Variants in NDST4 observed in about 807,000 individuals in gnomAD.
NDST4 encodes N-deacetylase and N-sulfotransferase 4, also known as N-heparan sulfate sulfotransferase 4.
Under a neutral mutation model 100.8 loss-of-function variants are expected in NDST4, and 63 were observed. That is an observed-to-expected ratio of 0.62 (90% CI 0.51 to 0.77). The LOEUF (loss-of-function observed/expected upper bound fraction) is 0.77. Ranked by LOEUF, NDST4 falls within the 30% of genes least tolerant of loss-of-function variation. The pLI, the probability that NDST4 is intolerant of heterozygous loss-of-function variation, is 0.00. For missense variants in NDST4, 943 were observed against 1,018.4 expected (o/e 0.93, Z 1.01); for synonymous variants, 377 against 361.8 (o/e 1.04, Z -0.48).
At chr4:114,929,686 A>G (rs1424214568) in intron 6 of NDST4, among the ~76,000 whole-genome samples, 1 of 152,238 alleles carries the variant, frequency 6.6e-6, no homozygotes, top group African/African-American at 2.4e-5. Context: ...AAGACTTACT[A>G]TAGTTTGATT....
chr4:114,962,280 C>G (rs1453987892), intron 4 of NDST4, among the ~76,000 whole-genome samples: 1 of 151,440 alleles, frequency 6.6e-6, no homozygotes, highest in Non-Finnish European at 1.5e-5. Flanking sequence ...CATTTCTATT[C>G]AACATTGTAC....
At chr4:114,927,469 T>C (rs1006810834) in intron 6 of NDST4, among the ~76,000 whole-genome samples, 5 of 152,084 alleles carry the variant, frequency 3.3e-5, no homozygotes, top group African/African-American at 1.2e-4. Context: ...TATCCTTATA[T>C]AATGGTGAGA....
intron 2 of NDST4, among the ~76,000 whole-genome samples, chr4:115,023,130 G>A (rs776357384): frequency 6.6e-6 from 1 of 152,048 alleles, no homozygotes; most frequent in African/African-American, 2.4e-5. Flanking sequence ...CTACAAAATG[G>A]GTGCAGTGTA....
At chr4:114,901,363 C>T (rs1724834450) in intron 6 of NDST4, among the ~76,000 whole-genome samples, 1 of 152,016 alleles carries the variant, frequency 6.6e-6, no homozygotes, top group Admixed American at 6.6e-5. Context: ...AAATTAATCA[C>T]TATTTTATTA....
chr4:115,038,793 T>A (rs1388121595), intron 2 of NDST4, among the ~76,000 whole-genome samples: 2 of 152,040 alleles, frequency 1.3e-5, no homozygotes, highest in African/African-American at 4.8e-5. Context: ...TTGGGCAACA[T>A]AGTAAAACCC....
chr4:115,028,583 A>G (rs897221357), intron 2 of NDST4, among the ~76,000 whole-genome samples: 1 of 151,778 alleles, frequency 6.6e-6, no homozygotes, highest in South Asian at 2.1e-4. Flanking sequence ...AAAAAAATGT[A>G]TATTAATCAA....
chr4:115,029,443 G>C (rs967208031), intron 2 of NDST4, among the ~76,000 whole-genome samples: 3 of 152,066 alleles, frequency 2.0e-5, no homozygotes. Context: ...GACTAAGTAA[G>C]TCTAGATTGG....
intron 2 of NDST4, among the ~76,000 whole-genome samples, chr4:114,998,974 T>A (rs1206429827): frequency 6.6e-6 from 1 of 152,058 alleles, no homozygotes; most frequent in African/African-American, 2.4e-5. Flanking sequence ...TTATCTCATA[T>A]CATAATCACA....
At chr4:115,086,762 G>A (rs907644964) in intron 1 of NDST4, among the ~76,000 whole-genome samples, 6 of 151,916 alleles carry the variant, frequency 3.9e-5, no homozygotes, top group African/African-American at 1.2e-4. Context: ...CTAAAGCAAA[G>A]AAAGGACATG....
At chr4:114,969,624 T>C (rs890197718) in intron 4 of NDST4, among the ~76,000 whole-genome samples, 10 of 152,174 alleles carry the variant, frequency 6.6e-5, no homozygotes, top group Non-Finnish European at 1.0e-4. Flanking sequence ...GCCCCATCCA[T>C]GTTGCTGCAA....
At chr4:114,898,660 T>C (rs145459017) in intron 6 of NDST4, among the ~76,000 whole-genome samples, 46 of 152,232 alleles carry the variant, frequency 3.0e-4, no homozygotes, top group African/African-American at 1.1e-3. Context: ...AGTCTTCCTA[T>C]ACACAAACAT....
chr4:114,883,415 T>C (rs1432530494), intron 6 of NDST4, among the ~76,000 whole-genome samples: 4 of 152,046 alleles, frequency 2.6e-5, no homozygotes, highest in African/African-American at 9.7e-5. Flanking sequence ...AAAATGTATA[T>C]TGTCAACTCT....
chr4:114,994,236 T>C (rs1300234581), intron 2 of NDST4, among the ~76,000 whole-genome samples: 1 of 151,998 alleles, frequency 6.6e-6, no homozygotes, highest in South Asian at 2.1e-4. Flanking sequence ...AGAATAAAGT[T>C]GTCTAAAAAA....
At chr4:114,878,026 A>G (rs1724293178) in intron 6 of NDST4, among the ~76,000 whole-genome samples, 2 of 152,086 alleles carry the variant, frequency 1.3e-5, no homozygotes, top group Non-Finnish European at 2.9e-5. Context: ...AAAGAAAGAG[A>G]AAAAAGAAAT....
chr4:114,892,332 A>G (rs552196468), intron 6 of NDST4, among the ~76,000 whole-genome samples: 2 of 152,260 alleles, frequency 1.3e-5, no homozygotes, highest in African/African-American at 4.8e-5. Flanking sequence ...TTTCTACACT[A>G]ATTGTTTTTA....
At chr4:114,919,922 A>G (rs536135432) in intron 6 of NDST4, among the ~76,000 whole-genome samples, 51 of 152,306 alleles carry the variant, frequency 3.3e-4, no homozygotes, top group African/African-American at 1.2e-3. Flanking sequence ...TTCAACAGAT[A>G]TATAATAGAA....
intron 2 of NDST4, among the ~76,000 whole-genome samples, chr4:114,993,813 G>T (rs2126252808): frequency 6.6e-6 from 1 of 151,974 alleles, no homozygotes; most frequent in East Asian, 1.9e-4. Context: ...CTGCAACTCA[G>T]GATGCAAAAT....
chr4:115,065,343 T>A (rs1004483060), intron 2 of NDST4, among the ~76,000 whole-genome samples: 25 of 152,110 alleles, frequency 1.6e-4, no homozygotes, highest in Admixed American at 1.3e-3. Context: ...AACTAGTAGG[T>A]GCAGAAGTTA....
At chr4:115,106,033 A>C (rs1578525136) in intron 1 of NDST4, among the ~76,000 whole-genome samples, 1 of 152,128 alleles carries the variant, frequency 6.6e-6, no homozygotes, top group African/African-American at 2.4e-5. Flanking sequence ...TTCTGCCATC[A>C]AAAAGCTTTT....
Sources: allele counts gnomAD v4.1 joint callset (sites outside exome capture counted in the v4.1 genomes callset), GRCh38; gene constraint gnomAD v4.1.1; transcripts MANE v1.5; gene names NCBI Gene and HGNC (gene_info 2026-07-23, HGNC 2026-07-21).